The following NRXN1 variants were observed in gnomAD, a reference collection of about 807,000 sequenced individuals.
NRXN1 encodes the protein neurexin 1.
In NRXN1, 39 loss-of-function variants were observed where a neutral mutation model predicts 150.9. The ratio of observed to expected loss-of-function variants is 0.26; its 90% CI spans 0.20 to 0.34. The LOEUF (loss-of-function observed/expected upper bound fraction) is 0.34, where lower values mean the gene tolerates loss of function less well. Ranked by LOEUF, NRXN1 falls within the 10% of genes least tolerant of loss-of-function variation. The pLI, the probability that NRXN1 is intolerant of heterozygous loss-of-function variation, is 1.00. For synonymous variants in NRXN1, 924 were observed against 757.0 expected (o/e 1.22, Z -3.62); for missense variants, 1,815 against 1,949.9 (o/e 0.93, Z 1.30).
intron 22 of NRXN1, among the ~76,000 whole-genome samples, chr2:49,923,914 T>C (rs1282666276): frequency 6.6e-6 from 1 of 152,226 alleles, no homozygotes; most frequent in African/African-American, 2.4e-5. Flanking sequence ...CCACGGAGTG[T>C]GGCTGAATAA....
chr2:50,893,165 T>C (rs1269855457), intron 5 of NRXN1, among the ~76,000 whole-genome samples: 3 of 152,124 alleles, frequency 2.0e-5, no homozygotes, highest in Non-Finnish European at 2.9e-5. Context: ...CAACAACTTT[T>C]TGTACCCTAA....
intron 22 of NRXN1, among the ~76,000 whole-genome samples, chr2:49,923,364 C>T (rs921972437): frequency 4.6e-5 from 7 of 152,230 alleles, no homozygotes; most frequent in African/African-American, 9.6e-5. Flanking sequence ...TCTATCCTCT[C>T]GCTTGTCTTA....
At chr2:50,599,797 T>C (rs1018856935) in intron 8 of NRXN1, among the ~76,000 whole-genome samples, 9 of 152,184 alleles carry the variant, frequency 5.9e-5, no homozygotes, top group African/African-American at 2.2e-4. Flanking sequence ...AAAATATGCA[T>C]TATAATTCCA....
intron 17 of NRXN1, among the ~76,000 whole-genome samples, chr2:50,420,545 G>T (rs1367222162): frequency 6.6e-6 from 1 of 152,002 alleles, no homozygotes; most frequent in East Asian, 1.9e-4. Context: ...CTGGCCAATG[G>T]AGAAACAAAT....
rs2152998032 is a variant in NRXN1 at position 50,347,192 on chromosome 2, C to T, written c.3365-110222G>A. 7.4e-7 allele frequency: 1 copy of T among 1,351,970 alleles called. No homozygotes were observed. Among genetic ancestry groups the T allele is most frequent in the East Asian group, 4.7e-5 (1 of 21,204 alleles). 83.7% of individuals were successfully genotyped at this position (1,351,970 alleles called of 1,614,324 possible). ...GAATGCAGCTGGAGAGGGGCTTGTC[C>T]GGAAAGGCAGCCCCGGGAACAGCAA... On this transcript the variant is annotated intron_variant, in intron 17 of 22. Transcript: ENST00000401669. This position sits in a 1 kb window ranked among gnomAD's most constrained non-coding sequence, Gnocchi z 4.9.
chr2:50,302,384 A>G (rs973120447), intron 17 of NRXN1, among the ~76,000 whole-genome samples: 4 of 152,226 alleles, frequency 2.6e-5, no homozygotes, highest in African/African-American at 4.8e-5. Flanking sequence ...AATTTAATCA[A>G]TTAATACATA....
intron 5 of NRXN1, among the ~76,000 whole-genome samples, chr2:50,714,992 A>G (rs745365673): frequency 5.3e-5 from 8 of 152,314 alleles, no homozygotes; most frequent in African/African-American, 1.9e-4. Context: ...AATGTGACCC[A>G]TAACATCCCC....
intron 8 of NRXN1, among the ~76,000 whole-genome samples, chr2:50,617,994 CTAT>C (rs1292651244): frequency 6.6e-6 from 1 of 152,154 alleles, no homozygotes; most frequent in Non-Finnish European, 1.5e-5. Context: ...GCAGGAATTA[CTAT>C]TATTATTATT....
chr2:50,506,263 C>A (rs986149515), intron 13 of NRXN1, among the ~76,000 whole-genome samples: 4 of 152,210 alleles, frequency 2.6e-5, no homozygotes, highest in Non-Finnish European at 5.9e-5. Context: ...ATTATAATTT[C>A]TTCTTGCACT....
intron 21 of NRXN1, among the ~76,000 whole-genome samples, chr2:49,992,739 A>G (rs1277016806): frequency 2.0e-5 from 3 of 152,232 alleles, no homozygotes; most frequent in Non-Finnish European, 4.4e-5. Context: ...ATAAAACAAA[A>G]AAAGGGCCAA....
intron 18 of NRXN1, among the ~76,000 whole-genome samples, chr2:50,098,917 A>C (rs1332539937): frequency 7.6e-6 from 1 of 132,018 alleles, no homozygotes; most frequent in African/African-American, 2.9e-5. Context: ...CACAATAAGG[A>C]ATCAGAAGTG....
chr2:50,103,543 T>C (rs991990341), intron 18 of NRXN1, among the ~76,000 whole-genome samples: 9 of 152,014 alleles, frequency 5.9e-5, no homozygotes, highest in African/African-American at 1.9e-4. Flanking sequence ...CGAAGGATTC[T>C]CTATCCAATT....
rs540714380 is a variant in NRXN1 at position 50,905,985 on chromosome 2, A to C, written c.832+15884T>G. On this transcript the variant is annotated intron_variant, in intron 5 of 22. Coordinates refer to ENST00000401669, the MANE Select transcript of NRXN1 (RefSeq NM_001330078.2). The stretch of plus-strand genomic sequence containing the variant: ...CACTAGACTAAGTTTATTAAGACAA[A>C]TTTTGGAATATGTGCAGAAATATGA... 1.3e-4 allele frequency among the ~76,000 whole-genome samples: 20 copies of C among 152,220 alleles called. No individual in the cohort carries two copies. The Middle Eastern group carries it at 0.014, about 104-fold the overall frequency.
intron 18 of NRXN1, among the ~76,000 whole-genome samples, chr2:50,100,733 CAG>C (rs1349005482): frequency 6.6e-6 from 1 of 152,060 alleles, no homozygotes; most frequent in Non-Finnish European, 1.5e-5. Flanking sequence ...TCTTGTGAAT[CAG>C]AGTCATCTCA....
At chr2:50,423,466 T>C (rs959863389) in intron 17 of NRXN1, among the ~76,000 whole-genome samples, 2 of 152,080 alleles carry the variant, frequency 1.3e-5, no homozygotes, top group Non-Finnish European at 2.9e-5. Context: ...ATTCTATCTT[T>C]AGCAAACACA....
intron 21 of NRXN1, among the ~76,000 whole-genome samples, chr2:49,946,310 C>T (rs1231909686): frequency 6.6e-6 from 1 of 152,096 alleles, no homozygotes; most frequent in Non-Finnish European, 1.5e-5. Context: ...AGATAGATTG[C>T]AAAAATTTCC....
chr2:50,718,176 A>C (rs767792575), intron 5 of NRXN1, among the ~76,000 whole-genome samples: 1 of 152,182 alleles, frequency 6.6e-6, no homozygotes, highest in Non-Finnish European at 1.5e-5. Flanking sequence ...CCATGGTTTC[A>C]GATAAAAAAT....
chr2:50,135,594 G>T (rs901476979), intron 18 of NRXN1, among the ~76,000 whole-genome samples: 3 of 152,210 alleles, frequency 2.0e-5, no homozygotes, highest in Non-Finnish European at 4.4e-5. Flanking sequence ...AGGAGGCTGA[G>T]GCGGGAGACT....
intron 17 of NRXN1, among the ~76,000 whole-genome samples, chr2:50,434,611 T>C (rs1178567392): frequency 6.6e-6 from 1 of 152,142 alleles, no homozygotes; most frequent in Non-Finnish European, 1.5e-5. Context: ...AATGGGAAGG[T>C]CATCTTTAAG....
Sources: allele counts gnomAD v4.1 joint callset (sites outside exome capture counted in the v4.1 genomes callset), GRCh38; gene constraint gnomAD v4.1.1; non-coding constraint Gnocchi (gnomAD v3.1); transcripts MANE v1.5; gene names NCBI Gene and HGNC (gene_info 2026-07-23, HGNC 2026-07-21).